The following CTDSPL2 variants were observed in gnomAD, a reference collection of about 807,000 sequenced individuals.
CTDSPL2 encodes CTD small phosphatase-like protein 2.
CTDSPL2 carries 5 observed loss-of-function variants against 60.0 expected under a neutral mutation model. The ratio of observed to expected loss-of-function variants is 0.08; its 90% CI spans 0.04 to 0.18. The LOEUF is 0.18. Among genes scored for constraint, CTDSPL2 ranks in the 10% least tolerant of loss-of-function variants. The probability of loss-of-function intolerance (pLI) is 1.00; values close to 1 mark genes in which losing one functional copy is unlikely to be tolerated. For synonymous variants in CTDSPL2, 186 were observed against 189.3 expected (o/e 0.98, Z 0.14); for missense variants, 370 against 548.8 (o/e 0.67, Z 3.26).
At chr15:44,504,120 G>T (rs1444694516) in intron 8 of CTDSPL2, among the ~76,000 whole-genome samples, 2 of 152,130 alleles carry the variant, frequency 1.3e-5, no homozygotes, top group East Asian at 3.9e-4. Flanking sequence ...GGCGGAGATG[G>T]GCAGATCACC....
At chr15:44,503,197 A>T (rs540821943) in intron 8 of CTDSPL2, among the ~76,000 whole-genome samples, 1 of 152,204 alleles carries the variant, frequency 6.6e-6, no homozygotes, top group South Asian at 2.1e-4. Flanking sequence ...TTTTGTTTGA[A>T]TGGGTCTATT....
chr15:44,448,817 A>AG, intron 1 of CTDSPL2: 1 of 350,972 alleles, frequency 2.8e-6, no homozygotes, highest in Admixed American at 4.2e-5. Flanking sequence ...GGGAAAAAAA[A>AG]ATCCTTTGGT....
chr15:44,492,029 AT>A (rs34619247), intron 5 of CTDSPL2, among the ~76,000 whole-genome samples: 126 of 145,712 alleles, frequency 8.6e-4, no homozygotes, highest in Non-Finnish European at 8.8e-4. Context: ...ACTCCCAGCT[AT>A]TTTTTTTTTT....
intron 1 of CTDSPL2, among the ~76,000 whole-genome samples, chr15:44,451,379 G>A (rs971507362): frequency 1.1e-4 from 17 of 151,942 alleles, no homozygotes; most frequent in Non-Finnish European, 2.4e-4. Context: ...CAAAGCCCTG[G>A]GATTACAGGT....
chr15:44,490,661 A>T lies in CTDSPL2; in HGVS notation c.476-123A>T, dbSNP rs537399555. The T allele has an allele frequency of 8.6e-6, 6 of 701,104 alleles. No individual in the cohort carries two copies. In the South Asian group the frequency reaches 9.1e-5, roughly 11 times the overall value. 43.4% of individuals were successfully genotyped at this position (701,104 alleles called of 1,614,324 possible). ...AGCAAAGATTCTCTAAAAGCAATAT[A>T]CTCAGCTTTGTTCCTGCAGGAATGA... On this transcript the variant is annotated intron_variant, in intron 4 of 12. Coordinates refer to ENST00000260327, the MANE Select transcript of CTDSPL2 (RefSeq NM_016396.3).
At chr15:44,447,502 T>C (rs993409042) in intron 1 of CTDSPL2, 4 of 152,252 alleles carry the variant, frequency 2.6e-5, no homozygotes, top group African/African-American at 4.8e-5. Context: ...TAAAACATCT[T>C]TATATATCCA....
At chr15:44,460,932 C>A (rs368756185) in intron 2 of CTDSPL2, among the ~76,000 whole-genome samples, 3 of 152,112 alleles carry the variant, frequency 2.0e-5, no homozygotes, top group Admixed American at 2.0e-4. Flanking sequence ...TTACTTCATT[C>A]TTCTGAGCAG....
At position 44,496,386 on chromosome 15, in the gene CTDSPL2, T is replaced by A; in HGVS notation, c.698T>A (p.Val233Glu). Residue 233 changes from valine to glutamate, a missense_variant, in exon 6 of 13, where the codon GTA becomes GAA. By Grantham distance (121) the Val-to-Glu change is moderately radical. Transcript: ENST00000260327. ...NRDIPPLTAPVTPDSGYSSAH... is the reference protein window; with the variant it reads ...NRDIPPLTAPETPDSGYSSAH... ...CTTTCACTATGTTAAATAGCACCAGTAACTCCAGATAGTGGTTATTCATCA... is the reference window on the plus strand; with the variant it reads ...CTTTCACTATGTTAAATAGCACCAGAAACTCCAGATAGTGGTTATTCATCA... 6.2e-7 allele frequency: 1 copy of A among 1,611,766 alleles called. No homozygotes were observed. Among genetic ancestry groups the A allele is most frequent in the Non-Finnish European group, 8.5e-7 (1 of 1,178,174 alleles).
chr15:44,484,199 GT>G (rs770722660), intron 2 of CTDSPL2, 24 bp from the exon 3 acceptor site: 103 of 1,530,534 alleles, frequency 6.7e-5, no homozygotes, highest in Admixed American at 1.8e-4. Context: ...TGCTTAGTGT[GT>G]TTTTTTTTCT....
At chr15:44,487,517 G>A (rs911115083) in intron 4 of CTDSPL2, among the ~76,000 whole-genome samples, 3 of 152,108 alleles carry the variant, frequency 2.0e-5, no homozygotes, top group African/African-American at 7.2e-5. Context: ...GGTGGCAGGG[G>A]TAGTGGCTCA....
At chr15:44,461,241 A>G (rs2080561508) in intron 2 of CTDSPL2, among the ~76,000 whole-genome samples, 1 of 152,164 alleles carries the variant, frequency 6.6e-6, no homozygotes, top group South Asian at 2.1e-4. Context: ...GAGTTTAGGG[A>G]TGCTGACTCT....
At chr15:44,475,795 CA>C in intron 2 of CTDSPL2, among the ~76,000 whole-genome samples, 1 of 152,022 alleles carries the variant, frequency 6.6e-6, no homozygotes, top group Non-Finnish European at 1.5e-5. Context: ...AAATTGTCAC[CA>C]TTTAAATATG....
intron 1 of CTDSPL2, among the ~76,000 whole-genome samples, chr15:44,443,207 G>T (rs2080128451): frequency 1.3e-5 from 2 of 152,162 alleles, no homozygotes; most frequent in Non-Finnish European, 2.9e-5. Flanking sequence ...TCATTAAACA[G>T]TCTTCAACGT....
At chr15:44,521,213 C>T in intron 11 of CTDSPL2, 98 bp from the exon 12 acceptor site, 3 of 563,966 alleles carry the variant, frequency 5.3e-6, no homozygotes, top group Admixed American at 6.8e-5. Context: ...ACTTTTAGAT[C>T]AGTGTTTACT....
At chr15:44,497,606 A>G (rs2081322939) in intron 7 of CTDSPL2, among the ~76,000 whole-genome samples, 2 of 152,172 alleles carry the variant, frequency 1.3e-5, no homozygotes, top group Admixed American at 6.5e-5. Context: ...TCCTGACCTC[A>G]TGATCCGCCC....
At chr15:44,502,296 C>A (rs1356799012) in intron 8 of CTDSPL2, among the ~76,000 whole-genome samples, 1 of 151,894 alleles carries the variant, frequency 6.6e-6, no homozygotes, top group South Asian at 2.1e-4. Context: ...AATTTTTCAT[C>A]TGAAAGCCAG....
chr15:44,489,523 G>A (rs1031548283), intron 4 of CTDSPL2, among the ~76,000 whole-genome samples: 1 of 152,130 alleles, frequency 6.6e-6, no homozygotes, highest in South Asian at 2.1e-4. Context: ...GTGCTAAGTG[G>A]TTAATACAGT....
At chr15:44,440,974 G>A (rs544094006) in intron 1 of CTDSPL2, among the ~76,000 whole-genome samples, 4 of 152,214 alleles carry the variant, frequency 2.6e-5, no homozygotes, top group African/African-American at 9.6e-5. Flanking sequence ...TTGGCATGTG[G>A]GAAGGTGTTT....
At chr15:44,457,329 C>T (rs1429436600) in intron 1 of CTDSPL2, among the ~76,000 whole-genome samples, 1 of 152,212 alleles carries the variant, frequency 6.6e-6, no homozygotes, top group Admixed American at 6.5e-5. Flanking sequence ...GGATAACTTG[C>T]CTCCACTTTT....
Sources: gnomAD v4.1 joint callset for allele counts (sites outside exome capture counted in the v4.1 genomes callset) on GRCh38, gnomAD v4.1.1 for gene constraint, MANE v1.5 for transcripts, NCBI Gene and HGNC (gene_info 2026-07-23, HGNC 2026-07-21) for gene names.